The following NTM variants were observed in gnomAD, a reference collection of about 807,000 sequenced individuals.
NTM encodes the protein neurotrimin, also known as IgLON family member 2.
A neutral mutation model predicts 42.1 loss-of-function variants in NTM; 13 were observed. That is an observed-to-expected ratio of 0.31 (90% CI 0.20 to 0.49). NTM has a LOEUF of 0.49. Among genes scored for constraint, NTM ranks in the 20% least tolerant of loss-of-function variants. NTM has a pLI of 0.99. For synonymous variants in NTM, 187 were observed against 179.2 expected (o/e 1.04, Z -0.35); for missense variants, 373 against 452.8 (o/e 0.82, Z 1.60).
chr11:132,247,214 G>A (rs971434345), intron 4 of NTM, among the ~76,000 whole-genome samples: 18 of 152,210 alleles, frequency 1.2e-4, no homozygotes, highest in Non-Finnish European at 2.9e-5. Context: ...CCAGCTCACA[G>A]AAGAGACAGG....
At chr11:131,407,706 G>T (rs1195822940) in intron 1 of NTM, among the ~76,000 whole-genome samples, 1 of 152,196 alleles carries the variant, frequency 6.6e-6, no homozygotes. Context: ...GGAGTCATGG[G>T]TCAGAAAGAG....
chr11:131,622,133 G>A (rs1183240700), intron 1 of NTM, among the ~76,000 whole-genome samples: 1 of 152,164 alleles, frequency 6.6e-6, no homozygotes, highest in African/African-American at 2.4e-5. Context: ...CCATCCACAG[G>A]AAGCCAAACT....
intron 1 of NTM, among the ~76,000 whole-genome samples, chr11:131,647,173 G>A (rs190333973): frequency 2.6e-5 from 4 of 152,314 alleles, no homozygotes; most frequent in African/African-American, 7.2e-5. Flanking sequence ...CAAGGGGATC[G>A]TGGAGAGGGG....
At chr11:132,169,512 T>C (rs2075829823) in intron 3 of NTM, among the ~76,000 whole-genome samples, 1 of 151,324 alleles carries the variant, frequency 6.6e-6, no homozygotes. Context: ...AGTTTTTGTG[T>C]TTTTAGTAGA....
At chr11:131,503,786 A>C (rs530689200) in intron 1 of NTM, among the ~76,000 whole-genome samples, 1 of 152,242 alleles carries the variant, frequency 6.6e-6, no homozygotes, top group African/African-American at 2.4e-5. Flanking sequence ...TTAGGACTAC[A>C]GGTGCGAGCC....
rs116072859 is a variant in NTM, at chr11:131,925,764, G to A, written c.167+14116G>A. Among the ~76,000 whole-genome samples the A allele has an allele frequency of 4.2e-3, 638 of 152,260 alleles. 2 individuals are homozygous for A. The highest frequency in any genetic ancestry group is 0.014 in the African/African-American group (587 of 41,558). On this transcript the variant is annotated intron_variant, in intron 2 of 8. Coordinates refer to ENST00000683400, the MANE Select transcript of NTM (RefSeq NM_001352005.2). ...ATTTGGGTAAAGGAGAAAGGAAGCT[G>A]TGGAAAGGGGAAGAGGCTGAGCCAG...
Position 132,189,641 on chromosome 11 carries a change from TACACACACACAC to T in NTM, c.401-22365_401-22354del, listed in dbSNP as rs35740557. Among the ~76,000 whole-genome samples, 331 of 149,220 alleles carry T rather than the reference TACACACACACAC, an allele frequency of 2.2e-3. 2 individuals carry two copies. In the South Asian group the frequency reaches 0.023, roughly 10 times the overall value. ...GCCTTGCCCACTGATTCACGGCAGA[TACACACACACAC>T]ACACACACACACACAGACACACACG... is the stretch of plus-strand genomic sequence containing the variant. On this transcript the variant is annotated intron_variant, in intron 3 of 8. Coordinates refer to ENST00000683400, the MANE Select transcript of NTM (RefSeq NM_001352005.2).
intron 1 of NTM, among the ~76,000 whole-genome samples, chr11:131,875,849 T>C (rs1290165570): frequency 6.6e-6 from 1 of 152,146 alleles, no homozygotes; most frequent in African/African-American, 2.4e-5. Flanking sequence ...TTACTCCCTT[T>C]AGTGGAAGGC....
chr11:132,222,642 G>T (rs541918559), intron 4 of NTM, among the ~76,000 whole-genome samples: 2 of 152,082 alleles, frequency 1.3e-5, no homozygotes, highest in Admixed American at 6.6e-5. Flanking sequence ...CACAGCCGCA[G>T]CCTGCCTTTT....
At chr11:131,882,198 TTCTATC>T (rs796475388) in intron 1 of NTM, among the ~76,000 whole-genome samples, 9 of 152,302 alleles carry the variant, frequency 5.9e-5, no homozygotes, top group African/African-American at 1.7e-4. Flanking sequence ...GTGTGTGTCT[TTCTATC>T]TATCTATGTG....
At chr11:131,462,849 G>GCAGGCCCACC (rs1352504576) in intron 1 of NTM, among the ~76,000 whole-genome samples, 10,549 of 151,600 alleles carry the variant, frequency 0.07, 841 homozygotes, top group East Asian at 0.2. Context: ...TCTCACTAGA[G>GCAGGCCCACC]TAGGCCCACC....
intron 1 of NTM, among the ~76,000 whole-genome samples, chr11:131,513,335 G>C (rs1359344465): frequency 1.3e-5 from 2 of 152,104 alleles, no homozygotes; most frequent in Non-Finnish European, 2.9e-5. Context: ...GGAGTTACAG[G>C]CTCTGCACCC....
intron 1 of NTM, among the ~76,000 whole-genome samples, chr11:131,598,735 C>CTTTCTTTCTTTCTTTCTTCTTTCTTTT (rs2060081012): frequency 1.1e-5 from 1 of 91,446 alleles, no homozygotes. Context: ...TTCTTTCTTT[C>CTTTCTTTCTTTCTTTCTTCTTTCTTTT]TTTCTTTCTT....
intron 1 of NTM, among the ~76,000 whole-genome samples, chr11:131,590,956 C>G (rs1450998712): frequency 6.6e-6 from 1 of 152,140 alleles, no homozygotes; most frequent in Admixed American, 6.5e-5. Context: ...GTGAGGTGGG[C>G]TGGAGACAGG....
intron 2 of NTM, among the ~76,000 whole-genome samples, chr11:132,020,644 T>C (rs991272946): frequency 8.5e-5 from 13 of 152,118 alleles, no homozygotes; most frequent in African/African-American, 3.1e-4. Context: ...AAAAAAGGTT[T>C]TTCTGAAAAC....
At chr11:131,644,403 G>A (rs1370220457) in intron 1 of NTM, among the ~76,000 whole-genome samples, 3 of 152,294 alleles carry the variant, frequency 2.0e-5, no homozygotes, top group Non-Finnish European at 4.4e-5. Context: ...CTGCCCCAGG[G>A]AGTTTCCCAT....
At chr11:131,650,141 G>A (rs1481082319) in intron 1 of NTM, among the ~76,000 whole-genome samples, 1 of 152,168 alleles carries the variant, frequency 6.6e-6, no homozygotes, top group Non-Finnish European at 1.5e-5. Flanking sequence ...GGTATAGCAG[G>A]ACCGTGAGGC....
At chr11:132,326,337 A>G (rs961083624) in intron 7 of NTM, among the ~76,000 whole-genome samples, 3 of 152,132 alleles carry the variant, frequency 2.0e-5, no homozygotes, top group African/African-American at 7.2e-5. Context: ...AAACTCAGGT[A>G]GGGGTTTTTA....
chr11:131,379,665 A>G (rs1331933119), intron 1 of NTM, among the ~76,000 whole-genome samples: 2 of 152,234 alleles, frequency 1.3e-5, no homozygotes, highest in African/African-American at 2.4e-5. Context: ...CTCAATAAAT[A>G]TTACCTAATT....
Sources: allele counts gnomAD v4.1 joint callset (sites outside exome capture counted in the v4.1 genomes callset), GRCh38; gene constraint gnomAD v4.1.1; transcripts MANE v1.5; gene names NCBI Gene and HGNC (gene_info 2026-07-23, HGNC 2026-07-21).